Variants in SLCO1C1 observed in about 807,000 individuals in gnomAD.
SLCO1C1 encodes OAT-RP-5.
Under a neutral mutation model 76.4 loss-of-function variants are expected in SLCO1C1, and 70 were observed. That is an observed-to-expected ratio of 0.92 (90% confidence interval 0.76 to 1.12). The LOEUF (loss-of-function observed/expected upper bound fraction) is 1.12. SLCO1C1 is among the 50% of genes most tolerant of loss of function. The pLI, the probability that SLCO1C1 is intolerant of heterozygous loss-of-function variation, is 0.00. For missense variants in SLCO1C1, 912 were observed against 823.8 expected, an observed-to-expected ratio of 1.11 and a Z score of -1.31; for synonymous variants, 306 against 286.1, an observed-to-expected ratio of 1.07 and a Z score of -0.70.
chr12:20,748,247 G>A (rs1000305516), intron 13 of SLCO1C1, among the ~76,000 whole-genome samples: 1 of 151,954 alleles, frequency 6.6e-6, no homozygotes, highest in Non-Finnish European at 1.5e-5. Flanking sequence ...CATTTGTTGC[G>A]AAAATTTCAA....
intron 7 of SLCO1C1, among the ~76,000 whole-genome samples, chr12:20,719,460 G>A (rs1248449595): frequency 6.6e-6 from 1 of 152,148 alleles, no homozygotes; most frequent in Non-Finnish European, 1.5e-5. Flanking sequence ...TGAATGCCAA[G>A]ACAGGCAAAA....
intron 5 of SLCO1C1, among the ~76,000 whole-genome samples, chr12:20,711,738 G>C (rs922956581): frequency 7.2e-5 from 11 of 152,174 alleles, no homozygotes; most frequent in African/African-American, 2.7e-4. Flanking sequence ...TTAATTGATA[G>C]TTCCTGGGAA....
chr12:20,723,720 A>C (rs1947794999), intron 9 of SLCO1C1, among the ~76,000 whole-genome samples: 1 of 152,206 alleles, frequency 6.6e-6, no homozygotes, highest in Admixed American at 6.5e-5. Context: ...CAATAATAAG[A>C]TAGAAAAGTA....
intron 13 of SLCO1C1, among the ~76,000 whole-genome samples, chr12:20,745,133 A>T (rs1470004950): frequency 6.6e-6 from 1 of 152,206 alleles, no homozygotes; most frequent in Non-Finnish European, 1.5e-5. Flanking sequence ...AACTAATTTT[A>T]AAAAATGGTT....
chr12:20,750,230 G>A (rs1441315889), intron 13 of SLCO1C1, among the ~76,000 whole-genome samples: 2 of 152,158 alleles, frequency 1.3e-5, no homozygotes, highest in Non-Finnish European at 2.9e-5. Context: ...TAGGGTAGAA[G>A]GAGTGGCAGT....
chr12:20,711,199 A>G (rs117673931), intron 4 of SLCO1C1, among the ~76,000 whole-genome samples, 187 bp from the exon 5 acceptor site: 4,073 of 152,304 alleles, frequency 0.027, 79 homozygotes, highest in Non-Finnish European at 0.04. Context: ...TGTAGAGTCT[A>G]TGAGCCAGAT....
At chr12:20,735,325 G>C (rs1333262377) in intron 10 of SLCO1C1, among the ~76,000 whole-genome samples, 1 of 152,056 alleles carries the variant, frequency 6.6e-6, no homozygotes, top group South Asian at 2.1e-4. Context: ...AACCTGGCAG[G>C]GTTCAGTTTC....
At chr12:20,741,844 C>T (rs922483115) in intron 12 of SLCO1C1, among the ~76,000 whole-genome samples, 1 of 152,040 alleles carries the variant, frequency 6.6e-6, no homozygotes, top group African/African-American at 2.4e-5. Flanking sequence ...AATTATTAAA[C>T]ATGAAAAGTC....
At chr12:20,713,225 G>A (rs59910463) in intron 5 of SLCO1C1, among the ~76,000 whole-genome samples, 6 of 151,560 alleles carry the variant, frequency 4.0e-5, no homozygotes, top group African/African-American at 1.2e-4. Context: ...GACTACAGGC[G>A]CCCGCTACCA....
intron 13 of SLCO1C1, among the ~76,000 whole-genome samples, chr12:20,749,566 A>G (rs1400144009): frequency 1.3e-5 from 2 of 152,256 alleles, no homozygotes; most frequent in East Asian, 3.8e-4. Context: ...AATGTTAATG[A>G]ACCACCAATT....
chr12:20,723,293 G>A lies in SLCO1C1; in HGVS notation c.1186+39G>A. The stretch of plus-strand genomic sequence containing the variant: ...CCTTTCATGCTTTCTCAGAGGGACT[G>A]TCTTAGAGGTACCTGATTAACTCGG... On this transcript the variant is annotated intron_variant, in intron 9 of 14. Transcript: ENST00000266509. The A allele has an allele frequency of 1.9e-6, 3 of 1,589,760 alleles. No homozygotes were observed. In the South Asian group the frequency reaches 3.5e-5, roughly 19 times the overall value.
At chr12:20,718,024 A>G (rs1201101352) in intron 7 of SLCO1C1, among the ~76,000 whole-genome samples, 1 of 152,178 alleles carries the variant, frequency 6.6e-6, no homozygotes, top group African/African-American at 2.4e-5. Context: ...GTGAAGCTTC[A>G]AAAATGTTAT....
At chr12:20,729,696 T>G (rs1948182270) in intron 9 of SLCO1C1, among the ~76,000 whole-genome samples, 1 of 151,478 alleles carries the variant, frequency 6.6e-6, no homozygotes, top group African/African-American at 2.4e-5. Context: ...AGAACAAACC[T>G]AATCTTGGAA....
At chr12:20,720,351 T>C (rs1225230648) in intron 7 of SLCO1C1, among the ~76,000 whole-genome samples, 3 of 152,246 alleles carry the variant, frequency 2.0e-5, no homozygotes, top group African/African-American at 7.2e-5. Context: ...AGGAGTAATT[T>C]TGACTTTCAA....
At chr12:20,701,568 A>G in intron 3 of SLCO1C1, 109 bp downstream of exon 3, 2 of 916,486 alleles carry the variant, frequency 2.2e-6, no homozygotes, top group Non-Finnish European at 2.9e-6. Context: ...TCTATTCATA[A>G]AATCTTTTTT....
At chr12:20,708,523 T>C (rs1307111224) in intron 4 of SLCO1C1, among the ~76,000 whole-genome samples, 3 of 151,946 alleles carry the variant, frequency 2.0e-5, no homozygotes, top group African/African-American at 7.3e-5. Flanking sequence ...CAGTATCAAG[T>C]AGGGTAGTCA....
At chr12:20,744,584 CATAA>C (rs1948957078) in intron 13 of SLCO1C1, among the ~76,000 whole-genome samples, 1 of 151,990 alleles carries the variant, frequency 6.6e-6, no homozygotes. Context: ...CAAATTAGCT[CATAA>C]ATAGAGCCAA....
intron 13 of SLCO1C1, 139 bp from the exon 14 acceptor site, chr12:20,750,536 T>G (rs972506): frequency 0.52 from 372,565 of 719,164 alleles, 100,296 homozygotes; most frequent in East Asian, 0.62. Context: ...AGAGATAGGT[T>G]TGGGAGATTT....
intron 8 of SLCO1C1, among the ~76,000 whole-genome samples, chr12:20,722,542 C>A (rs1186437721): frequency 1.3e-5 from 2 of 152,192 alleles, no homozygotes; most frequent in Non-Finnish European, 1.5e-5. Flanking sequence ...CTCTTCTTGT[C>A]CCTTCAAGCA....
Sources: gnomAD v4.1 joint callset for allele counts (sites outside exome capture counted in the v4.1 genomes callset) on GRCh38, gnomAD v4.1.1 for gene constraint, MANE v1.5 for transcripts, NCBI Gene and HGNC (gene_info 2026-07-23, HGNC 2026-07-21) for gene names.